FKBP7: variants seen among roughly 807,000 people sequenced by gnomAD.
FKBP7 encodes FKBP prolyl isomerase 7.
Under a neutral mutation model 24.3 loss-of-function variants are expected in FKBP7, and 24 were observed. That is an observed-to-expected ratio of 0.99 (90% confidence interval 0.72 to 1.39). The LOEUF is 1.39. Ranked by LOEUF, FKBP7 falls within the 40% of genes most tolerant of loss-of-function variation. FKBP7 has a pLI of 0.00. For synonymous variants in FKBP7, 98 were observed against 92.8 expected, an observed-to-expected ratio of 1.06 and a Z score of -0.32; for missense variants, 257 against 269.5, an observed-to-expected ratio of 0.95 and a Z score of 0.33.
In FKBP7 at chr2:178,478,439, A is replaced by AAG; in HGVS notation, c.60_61insCT (p.Phe21LeufsTer16). 2 of 1,614,236 alleles carry AAG rather than the reference A, an allele frequency of 1.2e-6. No homozygotes were observed. The highest frequency in any genetic ancestry group is 1.7e-6 in the Non-Finnish European group (2 of 1,180,048). On this transcript the variant is annotated frameshift_variant, in exon 1 of 4. Transcript: ENST00000424785. LOFTEE classifies it high-confidence loss of function. ...TCTTTCTTTTGTCTCTGAGCAGTAA[A>AAG]AAGGCCCCACAGATAAAAGAAAACA...
At chr2:178,476,734 T>G in intron 2 of FKBP7, among the ~76,000 whole-genome samples, 1 of 126,058 alleles carries the variant, frequency 7.9e-6, no homozygotes, top group African/African-American at 3.4e-5. Flanking sequence ...TTTTTTTTTT[T>G]GTAGAGCAGG....
rs561585799 is a variant in FKBP7 at position 178,465,791 on chromosome 2, T to C, written c.648A>G (p.Val216=). 1 of 1,601,652 alleles carries C rather than the reference T, an allele frequency of 6.2e-7. No individual in the cohort carries two copies. Among genetic ancestry groups the C allele is most frequent in the South Asian group, 1.1e-5 (1 of 87,552 alleles). ...DGFISPKEYN[V]YQHDEL is the part of the protein sequence containing the mutation. ...TATGCTATAGTTCATCGTGTTGGTA[T>C]ACATTGTATTCCTTGGGAGAAATGA... Residue 216 remains valine, a synonymous_variant, in exon 4 of 4, where the codon GTA becomes GTG. Transcript: ENST00000424785.
At chr2:178,474,631 C>T (rs369153001) in intron 2 of FKBP7, among the ~76,000 whole-genome samples, 1 of 152,076 alleles carries the variant, frequency 6.6e-6, no homozygotes, top group African/African-American at 2.4e-5. Flanking sequence ...ATGCCCAGTG[C>T]CTAGAACAAA....
At chr2:178,472,917 T>TTTA (rs1553602899) in intron 2 of FKBP7, 13 of 239,772 alleles carry the variant, frequency 5.4e-5, no homozygotes, top group Admixed American at 2.7e-4. Flanking sequence ...TTTTTTTTTT[T>TTTA]AAAAAAAACT....
In FKBP7 at chr2:178,473,154, T is replaced by A. The variant is rs902320372; in HGVS notation, c.374-3369A>T. 8.6e-6 allele frequency: 10 copies of A among 1,164,598 alleles called. No individual in the cohort carries two copies. The Middle Eastern group carries it at 7.4e-4, about 86-fold the overall frequency. The allele number at this position is 1,164,598 out of a possible 1,614,324, so 72.1% of individuals were successfully genotyped here. On this transcript the variant is annotated intron_variant, in intron 2 of 3. Coordinates refer to ENST00000424785, the MANE Select transcript of FKBP7 (RefSeq NM_181342.3). ...TCTTCAAGTACTACCTAAAATAAAGTTATAGCTAATGTTAGGTCTTAATAA... is the reference window on the plus strand; with the variant it reads ...TCTTCAAGTACTACCTAAAATAAAGATATAGCTAATGTTAGGTCTTAATAA...
intron 2 of FKBP7, among the ~76,000 whole-genome samples, chr2:178,471,933 A>C (rs1418008361): frequency 6.6e-6 from 1 of 152,218 alleles, no homozygotes; most frequent in African/African-American, 2.4e-5. Flanking sequence ...CTGACTTTAG[A>C]GTAGAAGAGC....
At chr2:178,472,897 T>TG in intron 2 of FKBP7, 1 of 328,190 alleles carries the variant, frequency 3.0e-6, no homozygotes, top group Non-Finnish European at 5.5e-6. Flanking sequence ...TACCTCTTTT[T>TG]CTTGTTTTTT....
intron 2 of FKBP7, among the ~76,000 whole-genome samples, chr2:178,474,921 C>T (rs1684959066): frequency 1.3e-5 from 2 of 152,054 alleles, no homozygotes; most frequent in Non-Finnish European, 1.5e-5. Flanking sequence ...CTCCTGGGCT[C>T]AAGTGATCCT....
chr2:178,478,522 T>A lies in FKBP7; in HGVS notation c.-23A>T. 1 of 1,612,044 alleles carries A rather than the reference T, an allele frequency of 6.2e-7. No homozygotes were observed. The highest frequency in any genetic ancestry group is 1.1e-5 in the South Asian group (1 of 90,952). The stretch of plus-strand genomic sequence containing the variant: ...CATCGGCTCCAGCAGAACACTGCTC[T>A]CCCTCCCGCGTGTCACTCGCGCCCC... On this transcript the variant is annotated 5_prime_UTR_variant, in exon 1 of 4. Transcript: ENST00000424785.
chr2:178,473,297 T>A (rs1559378169), intron 2 of FKBP7, among the ~76,000 whole-genome samples: 1 of 152,258 alleles, frequency 6.6e-6, no homozygotes, highest in African/African-American at 2.4e-5. Context: ...ATGCCTAATG[T>A]AACGCAGGCA....
At position 178,465,667 on chromosome 2, in the gene FKBP7, C is replaced by A; in HGVS notation, c.*103G>T. ...TGTATTGGGGAGATCAAAATATCTT[C>A]TCATAGGGGAAAAATAGCAAATACA... On this transcript the variant is annotated 3_prime_UTR_variant, in exon 4 of 4. Transcript: ENST00000424785. 1 of 1,131,842 alleles carries A rather than the reference C, an allele frequency of 8.8e-7. No homozygotes were observed. The highest frequency in any genetic ancestry group is 1.2e-6 in the Non-Finnish European group (1 of 838,724). 70.1% of individuals were successfully genotyped at this position (1,131,842 alleles called of 1,614,324 possible). A position where few individuals can be genotyped will look rare whatever the true frequency, so the allele number is the denominator to read the frequency against.
chr2:178,478,025 G>A (rs547457058), intron 1 of FKBP7, among the ~76,000 whole-genome samples: 1 of 152,310 alleles, frequency 6.6e-6, no homozygotes, highest in Non-Finnish European at 1.5e-5. Context: ...GGTAATGGTG[G>A]TGGTTGATGT....
chr2:178,473,099 G>A, intron 2 of FKBP7: 1 of 1,305,136 alleles, frequency 7.7e-7, no homozygotes, highest in Non-Finnish European at 1.0e-6. Context: ...TCTGTGACAT[G>A]AGACAAGGAT....
intron 2 of FKBP7, 107 bp from the exon 3 acceptor site, chr2:178,469,892 C>G (rs750499335): frequency 3.3e-5 from 27 of 830,316 alleles, no homozygotes; most frequent in Non-Finnish European, 4.6e-5. Context: ...ATAAGAATTG[C>G]TATCTGAATA....
chr2:178,468,794 A>G (rs1477898885), intron 3 of FKBP7, among the ~76,000 whole-genome samples: 1 of 152,132 alleles, frequency 6.6e-6, no homozygotes, highest in African/African-American at 2.4e-5. Flanking sequence ...TGAAGATTAC[A>G]TAAGTTCACA....
At chr2:178,466,253 C>T (rs769256931) in intron 3 of FKBP7, among the ~76,000 whole-genome samples, 64 of 152,058 alleles carry the variant, frequency 4.2e-4, no homozygotes, top group Non-Finnish European at 8.2e-4. Context: ...AGGAAAATCA[C>T]GCATGACTGC....
chr2:178,477,133 G>A lies in FKBP7; in HGVS notation c.302C>T (p.Thr101Ile). ...QVIKGLDIAM[T>I]DMCPGEKRKV... is the part of the protein sequence containing the mutation. ...TCGCTTTTCTCCAGGGCACATATCT[G>A]TCATAGCAATGTCTAGGCCTTTTAT... Residue 101 changes from threonine (T) to isoleucine (I), a missense_variant, in exon 2 of 4, where the codon ACA becomes ATA. By Grantham distance (89) the Thr-to-Ile change is moderately conservative. Transcript: ENST00000424785. 6.2e-7 allele frequency: 1 copy of A among 1,613,238 alleles called. No individual in the cohort carries two copies. Among genetic ancestry groups the A allele is most frequent in the South Asian group, 1.1e-5 (1 of 90,920 alleles).
intron 2 of FKBP7, among the ~76,000 whole-genome samples, chr2:178,476,714 A>ATTTTTTTT (rs35360731): frequency 2.4e-5 from 3 of 122,530 alleles, no homozygotes; most frequent in Non-Finnish European, 3.4e-5. Context: ...ATTCCATTTC[A>ATTTTTTTT]TTTTTTTTTT....
rs773085689 is a variant in FKBP7, at chr2:178,477,081, T to A, written c.354A>T (p.Ala118=). Residue 118 remains alanine, a synonymous_variant, in exon 2 of 4, where the codon GCA becomes GCT. Coordinates refer to ENST00000424785, the MANE Select transcript of FKBP7 (RefSeq NM_181342.3). ...TCTTACCATAGCCTTCCTTTCCGTA[T>A]GCAAATGAAGGGGGTATAACTACTT... ...KRKVVIPPSF[A]YGKEGYAEGK... is the part of the protein sequence containing the mutation. 7 of 1,599,540 alleles carry A rather than the reference T, an allele frequency of 4.4e-6. No homozygotes were observed. The highest frequency in any genetic ancestry group is 6.0e-6 in the Non-Finnish European group (7 of 1,175,272).
Sources: allele counts gnomAD v4.1 joint callset (sites outside exome capture counted in the v4.1 genomes callset), GRCh38; gene constraint gnomAD v4.1.1; transcripts MANE v1.5; gene names NCBI Gene and HGNC (gene_info 2026-07-23, HGNC 2026-07-21).